The following WDR90 variants were observed in gnomAD, a reference collection of about 807,000 sequenced individuals.
The protein encoded by WDR90 is WD repeat-containing protein 90.
Under a neutral mutation model 195.2 loss-of-function variants are expected in WDR90, and 238 were observed. The ratio of observed to expected loss-of-function variants is 1.22; its 90% CI spans 1.10 to 1.36. WDR90 has a LOEUF of 1.36. Among genes scored for constraint, WDR90 ranks in the 40% most tolerant of loss-of-function variants. WDR90 has a pLI of 0.00. For synonymous variants in WDR90, 1,265 were observed against 1,052.4 expected (o/e 1.20, Z -3.91); for missense variants, 2,734 against 2,439.5 (o/e 1.12, Z -2.54).
In WDR90 at chr16:655,603, G is replaced by A. The variant is rs1236047779; in HGVS notation, c.1749G>A (p.Leu583=). The change falls in exon 16 of 41, where the codon TTG becomes TTA. Residue 583 remains leucine, a synonymous_variant. Transcript: ENST00000293879. ...TGTGCAGCCGCAGTGGCCACATCTT[G>A]GAGATTGACTGTCAGCGCATGGTCG... ...LFVCSRSGHI[L]EIDCQRMVVR... is the part of the protein sequence containing the mutation. 1 of 1,606,338 alleles carries A rather than the reference G, an allele frequency of 6.2e-7. No homozygotes were observed. Among genetic ancestry groups the A allele is most frequent in the Non-Finnish European group, 8.5e-7 (1 of 1,175,764 alleles).
At position 659,374 on chromosome 16, in the gene WDR90, A is replaced by G. The variant is rs1030065982; in HGVS notation, c.3182A>G (p.Asp1061Gly). 1 of 1,591,330 alleles carries G rather than the reference A, an allele frequency of 6.3e-7. No homozygotes were observed. The highest frequency in any genetic ancestry group is 8.5e-7 in the Non-Finnish European group (1 of 1,170,098). ...TGTGCCAGGCCTCCCGAAGGTGGCG[A>G]TGGTGAGCAGCAGGGGTCCTGGAGG... ...GVCARPPEGGDGARDTRNSGA... is the reference protein window; with the variant it reads ...GVCARPPEGGGGARDTRNSGA... Residue 1061 changes from aspartate to glycine, a missense_variant and splice_region_variant, in exon 26 of 41, where the codon GAT becomes GGT. By Grantham distance (94) the Asp-to-Gly change is moderately conservative. Transcript: ENST00000293879.
Position 650,491 on chromosome 16 carries a change from G to T in WDR90, c.389-48G>T, listed in dbSNP as rs775936126. On this transcript the variant is annotated intron_variant, in intron 4 of 40. Transcript: ENST00000293879. ...GCACAAGCTCACAGTTCTGGGAGTC[G>T]CGGGCTGTCAGGAGGGTGGGCGCTG... 36 of 1,586,574 alleles carry T rather than the reference G, an allele frequency of 2.3e-5. No individual in the cohort carries two copies. The South Asian group carries it at 2.7e-4, about 12-fold the overall frequency.
In WDR90 at chr16:651,232, G is replaced by T; in HGVS notation, c.702G>T (p.Lys234Asn). ...GTGAGAGCTTGAAAGTGCCTTCCAAGCCGATTGAGAAGAGCTGTTCCCCTC... is the reference window on the plus strand; with the variant it reads ...GTGAGAGCTTGAAAGTGCCTTCCAATCCGATTGAGAAGAGCTGTTCCCCTC... ...FPSESLKVPS[K>N]PIEKSCSPPE... is the part of the protein sequence containing the mutation. Residue 234 changes from lysine to asparagine, a missense_variant, in exon 7 of 41, where the codon AAG becomes AAT. Physicochemically the swap from Lys to Asn is moderately conservative, Grantham distance 94 (BLOSUM62 0). Transcript: ENST00000293879. The T allele has an allele frequency of 6.2e-7, 1 of 1,613,238 alleles. No individual in the cohort carries two copies. The highest frequency in any genetic ancestry group is 8.5e-7 in the Non-Finnish European group (1 of 1,179,986).
intron 34 of WDR90, among the ~76,000 whole-genome samples, chr16:664,837 G>A (rs868114607): frequency 1.3e-5 from 2 of 152,026 alleles, no homozygotes; most frequent in Admixed American, 1.3e-4. Flanking sequence ...CCGCCACCAC[G>A]CCCGACTAAT....
rs2037625202 is a variant in WDR90 at position 650,606 on chromosome 16, C to T, written c.456C>T (p.Leu152=). The T allele has an allele frequency of 1.9e-6, 3 of 1,612,790 alleles. No homozygotes were observed. Among genetic ancestry groups the T allele is most frequent in the East Asian group, 2.2e-5 (1 of 44,874 alleles). The change falls in exon 5 of 41, where the codon CTC becomes CTT. Residue 152 remains leucine, a synonymous_variant. Coordinates refer to ENST00000293879, the MANE Select transcript of WDR90 (RefSeq NM_145294.5). ...TGCAGCTCGATCTGCAGGACGTTCT[C>T]CTGGTCTACCTGAACCGGTGCTACG... The part of the protein sequence containing the change: ...TCLQLDLQDV[L]LVYLNRCYGH...
chr16:660,210 GC>G (rs1460395005), intron 27 of WDR90, 49 bp downstream of exon 27: 1 of 1,432,558 alleles, frequency 7.0e-7, no homozygotes. Flanking sequence ...AAGCACAGAG[GC>G]CCCCCGCAGG....
In WDR90 at chr16:652,246, A is replaced by G. The variant is rs563917710; in HGVS notation, c.1053+207A>G. 733 of 794,450 alleles carry G rather than the reference A, an allele frequency of 9.2e-4. 8 individuals are homozygous for G. Among genetic ancestry groups the G allele is most frequent in the South Asian group, 3.0e-3 (169 of 55,450 alleles). 49.2% of individuals were successfully genotyped at this position (794,450 alleles called of 1,614,324 possible). A position where few individuals can be genotyped will look rare whatever the true frequency, so the allele number is the denominator to read the frequency against. ...AAGGCAGGGCTTCTGCTCACCCCCAATGCGTCAGCCCCAGGTGGTCTGTGG... is the reference window on the plus strand; with the variant it reads ...AAGGCAGGGCTTCTGCTCACCCCCAGTGCGTCAGCCCCAGGTGGTCTGTGG... On this transcript the variant is annotated intron_variant, in intron 9 of 40. Transcript: ENST00000293879.
At position 655,569 on chromosome 16, in the gene WDR90, G is replaced by A. The variant is rs1306171700; in HGVS notation, c.1719-4G>A. 1.3e-6 allele frequency: 2 copies of A among 1,584,622 alleles called. No homozygotes were observed. The highest frequency in any genetic ancestry group is 1.8e-5 in the Admixed American group (1 of 57,054). On this transcript the variant is annotated splice_polypyrimidine_tract_variant and splice_region_variant and intron_variant, in intron 15 of 40. Transcript: ENST00000293879. ...CTCACCTTCCCTGCCGCCTCCTCGG[G>A]CAGCTTCGTGTGCAGCCGCAGTGGC...
rs191832634 is a variant in WDR90 at position 652,750 on chromosome 16, G to A, written c.1122+215G>A. 4.8e-3 allele frequency among the ~76,000 whole-genome samples: 738 copies of A among 152,312 alleles called. 2 individuals carry two copies. The highest frequency in any genetic ancestry group is 8.4e-3 in the Non-Finnish European group (570 of 68,020). ...CAGCTGCTGTCACCTCCTGGTGCCC[G>A]GGGGCTCTCAGGGTCACGGGCATCT... On this transcript the variant is annotated intron_variant, in intron 10 of 40. Coordinates refer to ENST00000293879, the MANE Select transcript of WDR90 (RefSeq NM_145294.5).
intron 1 of WDR90, 50 bp downstream of exon 1, chr16:649,476 GGGGTCCA>G: frequency 7.8e-7 from 1 of 1,286,268 alleles, no homozygotes; most frequent in East Asian, 3.2e-5. Flanking sequence ...CCGGGGTTCC[GGGGTCCA>G]GGGTCGGCGG....
Position 649,441 on chromosome 16 carries a change from G to A in WDR90, c.10+15G>A. On this transcript the variant is annotated intron_variant, in intron 1 of 40. Coordinates refer to ENST00000293879, the MANE Select transcript of WDR90 (RefSeq NM_145294.5). The stretch of plus-strand genomic sequence containing the variant: ...CATGGCCCGAGGTAGCGCGCGGCTG[G>A]CGGGGGTCCCGAGGATCCCGGGTTC... 1 of 1,299,784 alleles carries A rather than the reference G, an allele frequency of 7.7e-7. No homozygotes were observed. Among genetic ancestry groups the A allele is most frequent in the Non-Finnish European group, 9.7e-7 (1 of 1,027,082 alleles). The allele number at this position is 1,299,784 out of a possible 1,614,324, so 80.5% of individuals were successfully genotyped here.
At chr16:665,634 C>T in intron 34 of WDR90, 45 bp from the exon 35 acceptor site, 1 of 1,611,868 alleles carries the variant, frequency 6.2e-7, no homozygotes, top group Non-Finnish European at 8.5e-7. Flanking sequence ...TCCCTTTACC[C>T]TGCCCAGGGG....
In WDR90 at chr16:656,720, C is replaced by A; in HGVS notation, c.2203-12C>A. ...TCCCTGCCCTCCCCTCAGCACGGCC[C>A]CTGTCCCACAGCTATACGACTTCAC... On this transcript the variant is annotated splice_polypyrimidine_tract_variant and intron_variant, in intron 18 of 40. Transcript: ENST00000293879. The A allele has an allele frequency of 1.9e-6, 3 of 1,609,680 alleles. No individual in the cohort carries two copies. The South Asian group carries it at 3.3e-5, about 18-fold the overall frequency.
intron 20 of WDR90, 64 bp from the exon 21 acceptor site, chr16:657,697 CG>C (rs2151258470): frequency 6.8e-7 from 1 of 1,462,752 alleles, no homozygotes; most frequent in African/African-American, 1.4e-5. Context: ...GCGGCCTCCT[CG>C]GGCCCTGGCC....
intron 17 of WDR90, 157 bp downstream of exon 17, chr16:656,046 G>A: frequency 1.0e-6 from 1 of 964,668 alleles, no homozygotes; most frequent in Non-Finnish European, 1.5e-6. Flanking sequence ...CCCTGGGGCG[G>A]CTGATGCCAG....
intron 33 of WDR90, 97 bp downstream of exon 33, chr16:662,428 TGCAGACCGGCCGC>T: frequency 7.0e-7 from 1 of 1,437,540 alleles, no homozygotes; most frequent in Admixed American, 2.0e-5. Flanking sequence ...AAGGCCGCCC[TGCAGACCGGCCGC>T]CTGCTAGCCC....
rs759816499 is a variant in WDR90 at position 665,850 on chromosome 16, G to C, written c.4434+49G>C. On this transcript the variant is annotated intron_variant, in intron 35 of 40. Transcript: ENST00000293879. Reference sequence around the variant, plus strand: ...GGGGCGGGATGGGGGCCTGCTCAGTGGGGGGCCTGGCATGGGCGGGGCCGC... The same window carrying C: ...GGGGCGGGATGGGGGCCTGCTCAGTCGGGGGCCTGGCATGGGCGGGGCCGC... The C allele has an allele frequency of 1.9e-6, 3 of 1,552,394 alleles. No homozygotes were observed. In the Admixed American group the frequency reaches 5.4e-5, roughly 28 times the overall value.
In WDR90 at chr16:651,748, G is replaced by A. The variant is rs757590497; in HGVS notation, c.840+1G>A. On this transcript the variant is annotated splice_donor_variant, in intron 8 of 40. Transcript: ENST00000293879. LOFTEE classifies it high-confidence loss of function. ...GGTCCAGACGCCCAGCCCCACAGCCGTGAGTACCCCCTTCGCCCTATGAGA... is the reference window on the plus strand; with the variant it reads ...GGTCCAGACGCCCAGCCCCACAGCCATGAGTACCCCCTTCGCCCTATGAGA... 12 of 1,613,048 alleles carry A rather than the reference G, an allele frequency of 7.4e-6. No individual in the cohort carries two copies. Among genetic ancestry groups the A allele is most frequent in the East Asian group, 2.2e-5 (1 of 44,882 alleles).
At chr16:667,086 G>A (rs559279838) in intron 40 of WDR90, 97 bp downstream of exon 40, 23 of 1,287,508 alleles carry the variant, frequency 1.8e-5, no homozygotes, top group South Asian at 3.8e-5. Flanking sequence ...CCTGTGCCCC[G>A]GGCTCCTCGT....
Sources: gnomAD v4.1 joint callset for allele counts (sites outside exome capture counted in the v4.1 genomes callset) on GRCh38, gnomAD v4.1.1 for gene constraint, MANE v1.5 for transcripts, NCBI Gene and HGNC (gene_info 2026-07-23, HGNC 2026-07-21) for gene names.